MYO7A: variants seen among roughly 807,000 people sequenced by gnomAD.
MYO7A encodes the protein unconventional myosin-VIIa.
A neutral mutation model predicts 263.8 loss-of-function variants in MYO7A; 210 were observed. That is an observed-to-expected ratio of 0.80 (90% confidence interval 0.71 to 0.89). MYO7A has a LOEUF of 0.89. Ranked by LOEUF, MYO7A falls within the 40% of genes least tolerant of loss-of-function variation. The probability of loss-of-function intolerance (pLI) is 0.00; values close to 1 mark genes in which losing one functional copy is unlikely to be tolerated. For missense variants in MYO7A, 2,820 were observed against 2,968.3 expected (o/e 0.95, Z 1.16); for synonymous variants, 1,239 against 1,197.3 (o/e 1.03, Z -0.72).
intron 5 of MYO7A, among the ~76,000 whole-genome samples, 165 bp from the exon 6 acceptor site, chr11:77,156,495 G>A (rs575857751): frequency 2.6e-5 from 4 of 152,318 alleles, no homozygotes; most frequent in South Asian, 2.1e-4. Flanking sequence ...AGGAGAGTGC[G>A]GTGGAGCACT....
chr11:77,198,759 T>C, intron 34 of MYO7A, 138 bp downstream of exon 34: 1 of 1,324,164 alleles, frequency 7.6e-7, no homozygotes, highest in Non-Finnish European at 1.0e-6. Flanking sequence ...TGCCGCACTG[T>C]GCAGACCCCT....
At chr11:77,161,974 CT>C in intron 12 of MYO7A, 145 bp from the exon 13 acceptor site, 2 of 765,792 alleles carry the variant, frequency 2.6e-6, no homozygotes, top group Non-Finnish European at 4.3e-6. Context: ...GGGAGGTGGA[CT>C]TGACAATTCC....
At chr11:77,158,159 C>T (rs1161946592) in intron 8 of MYO7A, 118 bp from the exon 9 acceptor site, 2 of 1,212,558 alleles carry the variant, frequency 1.6e-6, no homozygotes, top group East Asian at 2.8e-5. Context: ...GCGCCTGGGG[C>T]CCCGGGCTGG....
chr11:77,148,014 C>T (rs1555055067), intron 4 of MYO7A, 64 bp downstream of exon 4: 3 of 1,398,716 alleles, frequency 2.1e-6, no homozygotes, highest in Non-Finnish European at 2.8e-6. Flanking sequence ...CCACCTCGCC[C>T]CACCCCGCCC....
At position 77,199,156 on chromosome 11, in the gene MYO7A, G is replaced by A. The variant is rs562536525; in HGVS notation, c.4569-379G>A. On this transcript the variant is annotated intron_variant, in intron 34 of 48. Transcript: ENST00000409709. ...TGGGTTGTGTCTGATATGGGCTGGA[G>A]TCAGACTGTGTCCAGCACTGACCAG... Among the ~76,000 whole-genome samples the A allele has an allele frequency of 2.0e-5, 3 of 152,328 alleles. No homozygotes were observed. In the East Asian group the frequency reaches 5.8e-4, roughly 29 times the overall value.
At chr11:77,158,645 G>A (rs1555066274) in intron 9 of MYO7A, among the ~76,000 whole-genome samples, 1 of 152,222 alleles carries the variant, frequency 6.6e-6, no homozygotes, top group African/African-American at 2.4e-5. Flanking sequence ...AGTCCACCAC[G>A]GAGAGGTACA....
At chr11:77,194,147 G>A in intron 31 of MYO7A, 1 of 710,952 alleles carries the variant, frequency 1.4e-6, no homozygotes, top group South Asian at 1.5e-5. Flanking sequence ...AGAAGGTGAG[G>A]GTGTGGCCCT....
In MYO7A at chr11:77,199,808, C is replaced by G; in HGVS notation, c.4842C>G (p.Asn1614Lys). 1 of 1,590,320 alleles carries G rather than the reference C, an allele frequency of 6.3e-7. No homozygotes were observed. The highest frequency in any genetic ancestry group is 8.6e-7 in the Non-Finnish European group (1 of 1,162,868). The change falls in exon 35 of 49, where the codon AAC (asparagine) becomes AAG (lysine). Residue 1614 changes from asparagine (N) to lysine (K), a missense_variant. Coordinates refer to ENST00000409709, the MANE Select transcript of MYO7A (RefSeq NM_000260.4). ...AGTATGTTGTGGCCCTGCAGGATAA[C>G]CCCAACCCCGGTGAGTGGCTGCTGG... ...RSKYVVALQD[N>K]PNPAGEESGF...
chr11:77,159,965 G>A (rs1168519331), intron 10 of MYO7A, among the ~76,000 whole-genome samples, 198 bp from the exon 11 acceptor site: 1 of 152,244 alleles, frequency 6.6e-6, no homozygotes, highest in Non-Finnish European at 1.5e-5. Context: ...GGGCTGTCAA[G>A]GAGAGAGAAG....
rs782364394 is a variant in MYO7A, at chr11:77,174,876, C to T, written c.2056C>T (p.Arg686Cys). The T allele has an allele frequency of 3.3e-5, 53 of 1,613,556 alleles. No individual in the cohort carries two copies. Among genetic ancestry groups the T allele is most frequent in the Non-Finnish European group, 3.9e-5 (46 of 1,179,880 alleles). The change falls in exon 17 of 49, where the codon CGT becomes TGT. Residue 686 changes from arginine (R) to cysteine (C), a missense_variant. Arg to Cys is a radical substitution (Grantham distance 180). Transcript: ENST00000409709. ...YSFVEFVERY[R>C]VLLPGVKPAY... The stretch of plus-strand genomic sequence containing the variant: ...CTTCGTAGAGTTTGTGGAGCGGTAC[C>T]GTGTGCTGCTGCCAGGTGTGAAGCC...
chr11:77,174,893 T>C lies in MYO7A; in HGVS notation c.2073T>C (p.Gly691=). The C allele has an allele frequency of 6.2e-7, 1 of 1,613,540 alleles. No individual in the cohort carries two copies. Among genetic ancestry groups the C allele is most frequent in the East Asian group, 2.2e-5 (1 of 44,872 alleles). Residue 691 remains glycine, a synonymous_variant, in exon 17 of 49, where the codon GGT becomes GGC. Transcript: ENST00000409709. The part of the protein sequence containing the change: ...FVERYRVLLP[G]VKPAYKQGDL... The stretch of plus-strand genomic sequence containing the variant: ...AGCGGTACCGTGTGCTGCTGCCAGG[T>C]GTGAAGCCGGCCTACAAGCAGGTAC...
chr11:77,199,117 T>C (rs532692381), intron 34 of MYO7A, among the ~76,000 whole-genome samples: 5 of 152,148 alleles, frequency 3.3e-5, no homozygotes, highest in Admixed American at 1.3e-4. Context: ...ATCTGGGGCT[T>C]GTAGCAGTGT....
intron 26 of MYO7A, among the ~76,000 whole-genome samples, chr11:77,184,348 G>C (rs1555086934): frequency 6.6e-6 from 1 of 152,192 alleles, no homozygotes; most frequent in East Asian, 1.9e-4. Flanking sequence ...GGTGGCCAGA[G>C]GAGCTCTGTC....
At chr11:77,207,469 GA>G (rs1957528136) in intron 42 of MYO7A, 67 bp downstream of exon 42, 1 of 1,163,116 alleles carries the variant, frequency 8.6e-7, no homozygotes, top group Admixed American at 2.0e-5. Context: ...ACGGACAGCA[GA>G]CGGAAGAGAG....
At chr11:77,157,647 T>C (rs542410962) in intron 8 of MYO7A, among the ~76,000 whole-genome samples, 4 of 151,814 alleles carry the variant, frequency 2.6e-5, no homozygotes, top group Non-Finnish European at 5.9e-5. Context: ...GGAGAGCCCA[T>C]GTCTGGTTGC....
At chr11:77,154,113 CAA>C (rs1410552961) in intron 4 of MYO7A, among the ~76,000 whole-genome samples, 1 of 152,156 alleles carries the variant, frequency 6.6e-6, no homozygotes, top group Non-Finnish European at 1.5e-5. Context: ...GACTCTGCCT[CAA>C]AAGAGAGAAA....
chr11:77,181,431 A>G lies in MYO7A; in HGVS notation c.2746A>G (p.Lys916Glu), dbSNP rs1555084090. Reference sequence around the variant, plus strand: ...GGACGCTGAGCGGGAGCTGAAGGAGAAGGAGGCCGCTCGGCGGAAGAAGGA... The same window carrying G: ...GGACGCTGAGCGGGAGCTGAAGGAGGAGGAGGCCGCTCGGCGGAAGAAGGA... Reference protein sequence around the residue: ...REDAERELKEKEAARRKKELL... With the variant: ...REDAERELKEEEAARRKKELL... The change falls in exon 23 of 49, where the codon AAG (lysine) becomes GAG (glutamate). Residue 916 changes from lysine to glutamate, a missense_variant. Coordinates refer to ENST00000409709, the MANE Select transcript of MYO7A (RefSeq NM_000260.4). The G allele has an allele frequency of 2.5e-6, 4 of 1,597,004 alleles. No homozygotes were observed. Among genetic ancestry groups the G allele is most frequent in the African/African-American group, 2.7e-5 (2 of 74,782 alleles).
At chr11:77,207,435 G>C (rs754365468) in intron 42 of MYO7A, 33 bp downstream of exon 42, 1 of 1,446,596 alleles carries the variant, frequency 6.9e-7, no homozygotes, top group Non-Finnish European at 9.6e-7. Flanking sequence ...CAAGGTGGGA[G>C]ATTTGCTGGG....
In MYO7A at chr11:77,214,763, T is replaced by C; in HGVS notation, c.*67T>C. Reference sequence around the variant, plus strand: ...CAGCAGTGGGTTCAGGCCCATCAGCTACCCCTGCAGCTGGGGAAGACTTAT... The same window carrying C: ...CAGCAGTGGGTTCAGGCCCATCAGCCACCCCTGCAGCTGGGGAAGACTTAT... On this transcript the variant is annotated 3_prime_UTR_variant, in exon 49 of 49. Transcript: ENST00000409709. 1 of 1,301,784 alleles carries C rather than the reference T, an allele frequency of 7.7e-7. No individual in the cohort carries two copies. Among genetic ancestry groups the C allele is most frequent in the Non-Finnish European group, 1.1e-6 (1 of 927,594 alleles). 80.6% of individuals were successfully genotyped at this position (1,301,784 alleles called of 1,614,324 possible).
Sources: allele counts gnomAD v4.1 joint callset (sites outside exome capture counted in the v4.1 genomes callset), GRCh38; gene constraint gnomAD v4.1.1; transcripts MANE v1.5; gene names NCBI Gene and HGNC (gene_info 2026-07-23, HGNC 2026-07-21).